PIP4K2A: variants seen among roughly 807,000 people sequenced by gnomAD.
The protein encoded by PIP4K2A is phosphatidylinositol 5-phosphate 4-kinase type-2 alpha.
A neutral mutation model predicts 42.9 loss-of-function variants in PIP4K2A; 14 were observed. That is an observed-to-expected ratio of 0.33 (90% CI 0.22 to 0.51). PIP4K2A has a LOEUF of 0.51. Among genes scored for constraint, PIP4K2A ranks in the 20% least tolerant of loss-of-function variants. PIP4K2A has a pLI of 0.97. For synonymous variants in PIP4K2A, 192 were observed against 192.2 expected (o/e 1.00, Z 0.01); for missense variants, 434 against 519.8 (o/e 0.83, Z 1.61).
At chr10:22,610,641 CT>C (rs11302833) in intron 1 of PIP4K2A, among the ~76,000 whole-genome samples, 1,892 of 151,254 alleles carry the variant, frequency 0.013, 53 homozygotes, top group African/African-American at 0.044. Context: ...TCCAAGACAC[CT>C]TTCTTCCCCC....
chr10:22,667,779 C>T (rs1235704122), intron 1 of PIP4K2A, among the ~76,000 whole-genome samples: 2 of 151,718 alleles, frequency 1.3e-5, no homozygotes, highest in Admixed American at 1.3e-4. Context: ...TTTTAAAAGT[C>T]CTCCAAAAAG....
intron 3 of PIP4K2A, among the ~76,000 whole-genome samples, chr10:22,600,017 C>T (rs1405038902): frequency 1.3e-5 from 2 of 152,148 alleles, no homozygotes; most frequent in African/African-American, 4.8e-5. Context: ...AGTGGAGCCC[C>T]CAGAAGGGGG....
chr10:22,656,612 A>AC (rs1468759655), intron 1 of PIP4K2A, among the ~76,000 whole-genome samples: 1 of 152,128 alleles, frequency 6.6e-6, no homozygotes, highest in East Asian at 1.9e-4. Flanking sequence ...TTTGAGGCCA[A>AC]CATGGTGAAA....
At chr10:22,583,503 A>G (rs1837324448) in intron 4 of PIP4K2A, among the ~76,000 whole-genome samples, 1 of 152,210 alleles carries the variant, frequency 6.6e-6, no homozygotes, top group Non-Finnish European at 1.5e-5. Flanking sequence ...GGTGCTAGAC[A>G]GAGCCTGTCA....
intron 1 of PIP4K2A, among the ~76,000 whole-genome samples, chr10:22,669,234 G>A (rs1451109860): frequency 6.6e-6 from 1 of 152,104 alleles, no homozygotes. Flanking sequence ...ATCAAAAAAG[G>A]AAAGAAGGAA....
chr10:22,557,739 T>C (rs1430784266), intron 6 of PIP4K2A, among the ~76,000 whole-genome samples: 2 of 152,222 alleles, frequency 1.3e-5, no homozygotes, highest in Admixed American at 6.5e-5. Flanking sequence ...TTTTTAATGA[T>C]CATTCTAAAC....
At chr10:22,609,207 T>C (rs1010633367) in intron 2 of PIP4K2A, among the ~76,000 whole-genome samples, 4 of 152,228 alleles carry the variant, frequency 2.6e-5, no homozygotes, top group Non-Finnish European at 5.9e-5. Flanking sequence ...ATGCCCAACA[T>C]GGCATCTAAT....
intron 1 of PIP4K2A, among the ~76,000 whole-genome samples, chr10:22,615,256 C>T (rs1391084424): frequency 6.6e-6 from 1 of 152,162 alleles, no homozygotes; most frequent in African/African-American, 2.4e-5. Context: ...CAGGCGCACA[C>T]CACCATGCAT....
At chr10:22,659,993 C>T (rs1211196446) in intron 1 of PIP4K2A, among the ~76,000 whole-genome samples, 1 of 152,170 alleles carries the variant, frequency 6.6e-6, no homozygotes, top group Non-Finnish European at 1.5e-5. Context: ...CTCTGGGTCC[C>T]TCCTGGCTGC....
rs1168192455 is a variant in PIP4K2A at position 22,714,227 on chromosome 10, T to C, written c.100A>G (p.Ser34Gly). The change falls in exon 1 of 10, where the codon AGC becomes GGC. Residue 34 changes from serine (S) to glycine (G), a missense_variant. Coordinates refer to ENST00000376573, the MANE Select transcript of PIP4K2A (RefSeq NM_005028.5). ...ATGAGGACGCTGAGCAGCGGGTCGCTGGCCCGAAACAGCTTCACTTTCTGC... is the reference window on the plus strand; with the variant it reads ...ATGAGGACGCTGAGCAGCGGGTCGCCGGCCCGAAACAGCTTCACTTTCTGC... ...VAQKVKLFRASDPLLSVLMWG... is the reference protein window; with the variant it reads ...VAQKVKLFRAGDPLLSVLMWG... 17 of 1,611,950 alleles carry C rather than the reference T, an allele frequency of 1.1e-5. No homozygotes were observed. Among genetic ancestry groups the C allele is most frequent in the Admixed American group, 1.7e-5 (1 of 59,888 alleles).
At chr10:22,541,484 T>C (rs1174247062) in intron 8 of PIP4K2A, among the ~76,000 whole-genome samples, 4 of 151,730 alleles carry the variant, frequency 2.6e-5, no homozygotes, top group African/African-American at 9.7e-5. Flanking sequence ...TACATGCATG[T>C]TGTGTTGTGT....
intron 3 of PIP4K2A, among the ~76,000 whole-genome samples, chr10:22,596,811 C>T (rs1200224982): frequency 6.6e-6 from 1 of 152,242 alleles, no homozygotes; most frequent in South Asian, 2.1e-4. Flanking sequence ...CAACTCAGTT[C>T]TCCAACATCA....
At chr10:22,688,388 T>A (rs960097285) in intron 1 of PIP4K2A, among the ~76,000 whole-genome samples, 1 of 152,200 alleles carries the variant, frequency 6.6e-6, no homozygotes, top group African/African-American at 2.4e-5. Flanking sequence ...AGAATTTCCT[T>A]ACGTGGTTCT....
intron 1 of PIP4K2A, among the ~76,000 whole-genome samples, chr10:22,614,286 T>G (rs532859732): frequency 2.1e-4 from 32 of 152,358 alleles, no homozygotes; most frequent in African/African-American, 7.0e-4. Flanking sequence ...AATCATAAGA[T>G]GCTGAAATTA....
intron 6 of PIP4K2A, among the ~76,000 whole-genome samples, chr10:22,554,999 C>G (rs1390191301): frequency 1.3e-5 from 2 of 152,216 alleles, no homozygotes; most frequent in East Asian, 3.8e-4. Flanking sequence ...TTCCAAGTGG[C>G]ATTCATCTCC....
intron 1 of PIP4K2A, among the ~76,000 whole-genome samples, chr10:22,614,518 C>G (rs933002235): frequency 6.6e-6 from 1 of 152,122 alleles, no homozygotes; most frequent in East Asian, 1.9e-4. Flanking sequence ...CGGATTCCCC[C>G]CAGAAAACTT....
rs568575210 is a variant in PIP4K2A at position 22,701,678 on chromosome 10, A to G, written c.144+12505T>C. Among the ~76,000 whole-genome samples the G allele has an allele frequency of 2.0e-5, 3 of 152,354 alleles. No individual in the cohort carries two copies. The South Asian group carries it at 6.2e-4, about 32-fold the overall frequency. On this transcript the variant is annotated intron_variant, in intron 1 of 9. Transcript: ENST00000376573. ...TGCATTTCTGCTGACAGGGTTATTCAGGTCAGCTCTGCACTGAAAATAAGT... is the reference window on the plus strand; with the variant it reads ...TGCATTTCTGCTGACAGGGTTATTCGGGTCAGCTCTGCACTGAAAATAAGT...
intron 3 of PIP4K2A, among the ~76,000 whole-genome samples, chr10:22,603,766 C>G (rs552753232): frequency 2.6e-5 from 4 of 152,236 alleles, no homozygotes; most frequent in African/African-American, 9.6e-5. Context: ...ATGGTAGACA[C>G]AGGACTGCGG....
In PIP4K2A at chr10:22,566,228, C is replaced by T. The variant is rs533563621; in HGVS notation, c.678+1623G>A. ...CACAGATCCTACCAACGTGTGATGT[C>T]TCCCCTGGACGCCCAGCTTTAAAAT... On this transcript the variant is annotated intron_variant, in intron 6 of 9. Transcript: ENST00000376573. Among the ~76,000 whole-genome samples the T allele has an allele frequency of 9.2e-5, 14 of 152,194 alleles. No individual in the cohort carries two copies. The South Asian group carries it at 2.9e-3, about 32-fold the overall frequency.
Sources: allele counts gnomAD v4.1 joint callset (sites outside exome capture counted in the v4.1 genomes callset), GRCh38; gene constraint gnomAD v4.1.1; transcripts MANE v1.5; gene names NCBI Gene and HGNC (gene_info 2026-07-23, HGNC 2026-07-21).